Variants in MUC4 observed in about 807,000 individuals in gnomAD.
The protein encoded by MUC4 is mucin 4, cell surface associated.
Under a neutral mutation model 257.9 loss-of-function variants are expected in MUC4, and 202 were observed. The observed-to-expected ratio is 0.78, with a 90% CI of 0.70 to 0.88. The LOEUF (loss-of-function observed/expected upper bound fraction) is 0.88. Among genes scored for constraint, MUC4 ranks in the 40% least tolerant of loss-of-function variants. The probability of loss-of-function intolerance (pLI) is 0.00; values close to 1 mark genes in which losing one functional copy is unlikely to be tolerated. For synonymous variants in MUC4, 2,351 were observed against 2,757.1 expected (o/e 0.85, Z 4.62); for missense variants, 5,976 against 6,513.7 (o/e 0.92, Z 2.84).
In MUC4 at chr3:195,762,167, G is replaced by A. The variant is rs369595798; in HGVS notation, c.14432C>T (p.Ser4811Leu). The A allele has an allele frequency of 1.5e-5, 24 of 1,607,384 alleles. No individual in the cohort carries two copies. Among genetic ancestry groups the A allele is most frequent in the Non-Finnish European group, 2.0e-5 (23 of 1,177,566 alleles). ...SASFDGWATV[S>L]VIALSNILHA... The stretch of plus-strand genomic sequence containing the variant: ...GAGGATGTTGGAGAGCGCGATCACC[G>A]AGACGGTGGCCCAGCCGTCGAAGCT... The change falls in exon 14 of 25, where the codon TCG becomes TTG. Residue 4811 changes from serine (S) to leucine (L), a missense_variant. Ser to Leu is a moderately radical substitution (Grantham distance 145, BLOSUM62 -2). Transcript: ENST00000463781.
At chr3:195,767,585 TCACCACCAC>T (rs1257823008) in intron 7 of MUC4, among the ~76,000 whole-genome samples, 2 of 58,742 alleles carry the variant, frequency 3.4e-5, no homozygotes, top group Non-Finnish European at 6.7e-5. Flanking sequence ...ACCACCACCA[TCACCACCAC>T]CACCATCATC....
intron 24 of MUC4, among the ~76,000 whole-genome samples, chr3:195,748,360 T>G (rs1282073496): frequency 3.3e-5 from 5 of 152,248 alleles, no homozygotes; most frequent in African/African-American, 1.2e-4. Context: ...GGTCAGGAGT[T>G]CGAGACCAGC....
In MUC4 at chr3:195,752,589, TACATTCC is replaced by T. The variant is rs2148759391; in HGVS notation, c.15509-150_15509-144del. 198 of 663,062 alleles carry T rather than the reference TACATTCC, an allele frequency of 3.0e-4. 1 individual carries two copies. The highest frequency in any genetic ancestry group is 4.3e-4 in the Non-Finnish European group (156 of 366,998). 41.1% of individuals were successfully genotyped at this position (663,062 alleles called of 1,614,324 possible). A position where few individuals can be genotyped will look rare whatever the true frequency, so the allele number is the denominator to read the frequency against. ...AAACCGGGAGAAGTGGCCCTCACCC[TACATTCC>T]ACAGTGACAGAAGGTCGCTGAAGAA... On this transcript the variant is annotated intron_variant, in intron 20 of 24. Coordinates refer to ENST00000463781, the MANE Select transcript of MUC4 (RefSeq NM_018406.7).
rs774888364 is a variant in MUC4, at chr3:195,778,755, C to T, written c.12790+35G>A. 11 of 1,572,444 alleles carry T rather than the reference C, an allele frequency of 7.0e-6. No individual in the cohort carries two copies. In the South Asian group the frequency reaches 9.3e-5, roughly 13 times the overall value. ...AGGCTGAATTCCGCCAAGGGGCCCA[C>T]TGGGAGACATAAAGGCGAGGCAGTT... On this transcript the variant is annotated intron_variant, in intron 2 of 24. Transcript: ENST00000463781.
At position 195,757,013 on chromosome 3, in the gene MUC4, T is replaced by C; in HGVS notation, c.15168+134A>G. The C allele has an allele frequency of 5.6e-6, 5 of 895,690 alleles. No homozygotes were observed. The South Asian group carries it at 7.2e-5, about 13-fold the overall frequency. 55.5% of individuals were successfully genotyped at this position (895,690 alleles called of 1,614,324 possible). Reference sequence around the variant, plus strand: ...TTTGTGGCCTGAGACTGGAATCTGCTCTACTCACCTACCACTGCTCCACCC... The same window carrying C: ...TTTGTGGCCTGAGACTGGAATCTGCCCTACTCACCTACCACTGCTCCACCC... On this transcript the variant is annotated intron_variant, in intron 18 of 24. Coordinates refer to ENST00000463781, the MANE Select transcript of MUC4 (RefSeq NM_018406.7). The surrounding 1 kb of genome is among the most constrained non-coding windows in gnomAD (Gnocchi z 4.8).
intron 12 of MUC4, 102 bp downstream of exon 12, chr3:195,763,331 C>T (rs963429618): frequency 6.6e-6 from 8 of 1,211,034 alleles, no homozygotes; most frequent in South Asian, 6.3e-5. Context: ...CCCTCCTGCC[C>T]GGCTTCCCCT....
chr3:195,796,934 A>C (rs192259856), intron 1 of MUC4, among the ~76,000 whole-genome samples: 1 of 152,056 alleles, frequency 6.6e-6, no homozygotes, highest in Non-Finnish European at 1.5e-5. Context: ...ATCGTAAATA[A>C]AATATTAGCA....
rs1560273228 is a variant in MUC4 at position 195,771,045 on chromosome 3, G to GCGGCCGGGT, written c.13242+606_13242+607insACCCGGCCG. ...GGTTGGGGTATTCCTGGTCAGTCTC[G>GCGGCCGGGT]TGGTTGGGTTGGGGTATTCCTGGTC... is the stretch of plus-strand genomic sequence containing the variant. On this transcript the variant is annotated intron_variant, in intron 5 of 24. Coordinates refer to ENST00000463781, the MANE Select transcript of MUC4 (RefSeq NM_018406.7). Among the ~76,000 whole-genome samples the GCGGCCGGGT allele has an allele frequency of 2.0e-4, 29 of 148,240 alleles. 1 individual carries two copies. Among genetic ancestry groups the GCGGCCGGGT allele is most frequent in the African/African-American group, 2.0e-4 (8 of 39,720 alleles).
At chr3:195,763,790 C>T (rs1181547264) in intron 11 of MUC4, 149 bp from the exon 12 acceptor site, 1 of 1,040,410 alleles carries the variant, frequency 9.6e-7, no homozygotes, top group Admixed American at 2.9e-5. Context: ...CGGGCGGACT[C>T]AGCTGGGGAG....
At chr3:195,748,689 G>GC (rs1219286076) in intron 24 of MUC4, among the ~76,000 whole-genome samples, 2 of 152,280 alleles carry the variant, frequency 1.3e-5, no homozygotes. Flanking sequence ...ATAGTTCTAA[G>GC]CCCCCCTATG....
chr3:195,770,782 G>GCA (rs746276491), intron 5 of MUC4: 37 of 446,998 alleles, frequency 8.3e-5, no homozygotes, highest in Non-Finnish European at 1.5e-4. Context: ...CACACTTCCT[G>GCA]CAGTAGCTTT....
chr3:195,775,103 C>T (rs936095997), intron 3 of MUC4, among the ~76,000 whole-genome samples: 61 of 152,076 alleles, frequency 4.0e-4, no homozygotes, highest in Non-Finnish European at 7.8e-4. Context: ...TCGCAGCTGC[C>T]GACTCCTTGG....
In MUC4 at chr3:195,790,237, G is replaced by T. The variant is rs1266553591; in HGVS notation, c.1343C>A (p.Ser448Tyr). The change falls in exon 2 of 25, where the codon TCC becomes TAC. Residue 448 changes from serine (S) to tyrosine (Y), a missense_variant. This residue lies in a region of MUC4 where 1,583 missense variants were observed against 1,257.4 expected (regional missense o/e 1.26). Transcript: ENST00000463781. ...LSPSSLPPKI[S>Y]TAFHTQQSEG... ...ACTCTGCTGGGTGTGGAAAGCTGTG[G>T]ATATTTTTGGAGGTAGAGAACTGGG... The T allele has an allele frequency of 6.2e-7, 1 of 1,614,038 alleles. No homozygotes were observed. The highest frequency in any genetic ancestry group is 1.3e-5 in the African/African-American group (1 of 75,042).
In MUC4 at chr3:195,765,126, A is replaced by T; in HGVS notation, c.13799-4T>A. On this transcript the variant is annotated splice_polypyrimidine_tract_variant and splice_region_variant and intron_variant, in intron 9 of 24. Coordinates refer to ENST00000463781, the MANE Select transcript of MUC4 (RefSeq NM_018406.7). ...CTACTGCCGAGGCCCCAGCGACCTG[A>T]AACAAGTCCAGTCCCACTCAGGCCC... 1 of 1,611,660 alleles carries T rather than the reference A, an allele frequency of 6.2e-7. No homozygotes were observed. Among genetic ancestry groups the T allele is most frequent in the Non-Finnish European group, 8.5e-7 (1 of 1,178,768 alleles).
rs751728011 is a variant in MUC4 at position 195,779,725 on chromosome 3, G to C, written c.11855C>G (p.Pro3952Arg). Residue 3952 changes from proline to arginine, a missense_variant, in exon 2 of 25, where the codon CCT (proline) becomes CGT (arginine). Physicochemically the swap from Pro to Arg is moderately radical, Grantham distance 103 (BLOSUM62 -2). Coordinates refer to ENST00000463781, the MANE Select transcript of MUC4 (RefSeq NM_018406.7). ...TGAGGAAGTGTCGGTGACAGGAAGA[G>C]GGGTGGTGTCACCTGTGGATGCTGA... is the stretch of plus-strand genomic sequence containing the variant. ...TSSASTGDTT[P>R]LPVTDTSSVS... is the part of the protein sequence containing the mutation. 2 of 1,389,688 alleles carry C rather than the reference G, an allele frequency of 1.4e-6. No individual in the cohort carries two copies. The highest frequency in any genetic ancestry group is 2.4e-5 in the Admixed American group (1 of 42,552). 86.1% of individuals were successfully genotyped at this position (1,389,688 alleles called of 1,614,324 possible). A position where few individuals can be genotyped will look rare whatever the true frequency, so the allele number is the denominator to read the frequency against.
rs781213886 is a variant in MUC4, at chr3:195,778,306, T to C, written c.12940A>G (p.Arg4314Gly). ...TAAPIPILPE[R>G]GVSLFPYGAG... ...GGCCTCACCTGTATGGCCTCACCTC[T>C]CTCAGGCAGGATGGGGATGGGGGCA... The change falls in exon 3 of 25, where the codon AGA becomes GGA. Residue 4314 changes from arginine (R) to glycine (G), a missense_variant. Physicochemically the swap from Arg to Gly is moderately radical, Grantham distance 125. Coordinates refer to ENST00000463781, the MANE Select transcript of MUC4 (RefSeq NM_018406.7). 1.9e-6 allele frequency: 3 copies of C among 1,609,342 alleles called. No homozygotes were observed. Among genetic ancestry groups the C allele is most frequent in the Non-Finnish European group, 2.5e-6 (3 of 1,178,656 alleles).
At chr3:195,775,503 TACCTTCCACACCCATACCTTCCACACC>T (rs1724291083) in intron 3 of MUC4, among the ~76,000 whole-genome samples, 3 of 126,140 alleles carry the variant, frequency 2.4e-5, no homozygotes, top group Non-Finnish European at 3.4e-5. Flanking sequence ...TCCACAGCCA[TACCTTCCACACCCATACCTTCCACACC>T]CATACCTTCC....
At position 195,786,512 on chromosome 3, in the gene MUC4, T is replaced by C. The variant is rs80123784; in HGVS notation, c.5068A>G (p.Thr1690Ala). 175 of 1,306,766 alleles carry C rather than the reference T, an allele frequency of 1.3e-4. 7 individuals are homozygous for C. The South Asian group carries it at 2.1e-3, about 16-fold the overall frequency. 80.9% of individuals were successfully genotyped at this position (1,306,766 alleles called of 1,614,324 possible). A position where few individuals can be genotyped will look rare whatever the true frequency, so the allele number is the denominator to read the frequency against. The change falls in exon 2 of 25, where the codon ACC becomes GCC. Residue 1690 changes from threonine to alanine, a missense_variant. Around this residue, in one of 44 missense-constraint regions of MUC4, gnomAD observed 138 missense variants for 107.8 expected, o/e 1.28. Coordinates refer to ENST00000463781, the MANE Select transcript of MUC4 (RefSeq NM_018406.7). ...PLPVTGLSSA[T>A]TDDTTRLPVT... ...GGAAGACGGGTGGTGTCATCTGTGG[T>C]AGCTGAGGAAAGGCCGGTGACAGGA...
At position 195,757,406 on chromosome 3, in the gene MUC4, C is replaced by A. The variant is rs1005718885; in HGVS notation, c.14987-78G>T. 1.0e-5 allele frequency: 14 copies of A among 1,377,208 alleles called. No homozygotes were observed. The highest frequency in any genetic ancestry group is 1.3e-5 in the Non-Finnish European group (13 of 1,006,952). 85.3% of individuals were successfully genotyped at this position (1,377,208 alleles called of 1,614,324 possible). ...GGTCTGATTGCTGATACGGGGCTTCCCCCACCCCTCTCAGGCCACCCTCCC... is the reference window on the plus strand; with the variant it reads ...GGTCTGATTGCTGATACGGGGCTTCACCCACCCCTCTCAGGCCACCCTCCC... On this transcript the variant is annotated intron_variant, in intron 17 of 24. Coordinates refer to ENST00000463781, the MANE Select transcript of MUC4 (RefSeq NM_018406.7). This position sits in a 1 kb window ranked among gnomAD's most constrained non-coding sequence, Gnocchi z 4.8.
Sources: gnomAD v4.1 joint callset for allele counts (sites outside exome capture counted in the v4.1 genomes callset) on GRCh38, gnomAD v4.1.1 for gene constraint, gnomAD v4.1.1 regional missense constraint, Gnocchi (gnomAD v3.1) non-coding constraint, MANE v1.5 for transcripts, NCBI Gene and HGNC (gene_info 2026-07-23, HGNC 2026-07-21) for gene names.